Variants in ASPRV1 observed in about 807,000 individuals in gnomAD.
ASPRV1 encodes aspartic peptidase retroviral like 1, also known as retroviral-like aspartic protease 1.
A neutral mutation model predicts 11.0 loss-of-function variants in ASPRV1; 7 were observed. The ratio of observed to expected loss-of-function variants is 0.64; its 90% CI spans 0.36 to 1.20. The LOEUF (loss-of-function observed/expected upper bound fraction) is 1.20. Among genes scored for constraint, ASPRV1 ranks in the 50% most tolerant of loss-of-function variants. The pLI is 0.02. For missense variants in ASPRV1, 299 were observed against 320.0 expected (o/e 0.93, Z 0.50); for synonymous variants, 136 against 138.4 (o/e 0.98, Z 0.12).
chr2:70,049,608 GAAC>G, the ASPRV1 span: 1 of 152,124 alleles, frequency 6.6e-6, no homozygotes, highest in African/African-American at 2.4e-5. Flanking sequence ...TTTGTTTTTT[GAAC>G]AACATAGACT....
At chr2:70,069,791 G>A in the ASPRV1 span, among the ~76,000 whole-genome samples, 1 of 152,018 alleles carries the variant, frequency 6.6e-6, no homozygotes, top group African/African-American at 2.4e-5. Flanking sequence ...TTTGCTTGAG[G>A]TTCATCTGTA....
the ASPRV1 span, chr2:69,997,972 C>T: frequency 3.9e-5 from 6 of 152,164 alleles, no homozygotes; most frequent in Admixed American, 6.5e-5. Context: ...TATTCTACTC[C>T]CATTTTACAG....
At chr2:70,008,132 G>C in the ASPRV1 span, among the ~76,000 whole-genome samples, 3 of 151,808 alleles carry the variant, frequency 2.0e-5, no homozygotes, top group African/African-American at 4.8e-5. Context: ...CACCGTGCCC[G>C]GTCTATTTTT....
At chr2:70,074,468 T>C in the ASPRV1 span, among the ~76,000 whole-genome samples, 4 of 151,598 alleles carry the variant, frequency 2.6e-5, no homozygotes, top group African/African-American at 7.3e-5. Context: ...TTTGTATTTT[T>C]AGTAGAGACA....
chr2:70,086,975 C>G, the ASPRV1 span: 1 of 152,194 alleles, frequency 6.6e-6, no homozygotes, highest in Non-Finnish European at 1.5e-5. Context: ...CGCCCGCGCG[C>G]ACCCGCTCCG....
chr2:70,065,063 C>A, the ASPRV1 span, among the ~76,000 whole-genome samples: 1 of 151,872 alleles, frequency 6.6e-6, no homozygotes, highest in Non-Finnish European at 1.5e-5. Flanking sequence ...CCACTGCACT[C>A]CAGCCTGGGC....
chr2:70,016,665 G>A, the ASPRV1 span, among the ~76,000 whole-genome samples: 2 of 152,186 alleles, frequency 1.3e-5, no homozygotes, highest in East Asian at 1.9e-4. Flanking sequence ...CCAACATGGT[G>A]AAGACCCATC....
At chr2:69,959,266 A>T (rs1290141349), downstream of ASPRV1, among the ~76,000 whole-genome samples, 1 of 151,992 alleles carries the variant, frequency 6.6e-6, no homozygotes, top group Non-Finnish European at 1.5e-5. Context: ...ACCTTGCGCC[A>T]ATCTTCCTGG....
At chr2:70,018,962 G>T in the ASPRV1 span, 3 of 152,188 alleles carry the variant, frequency 2.0e-5, no homozygotes, top group Non-Finnish European at 4.4e-5. Flanking sequence ...ACAATACAGT[G>T]AAGAGAGAAC....
chr2:70,066,384 GCCTGCCA>G, the ASPRV1 span, among the ~76,000 whole-genome samples: 1 of 151,598 alleles, frequency 6.6e-6, no homozygotes, highest in African/African-American at 2.4e-5. Flanking sequence ...GATTACAGGT[GCCTGCCA>G]CCACGCCCAG....
chr2:70,002,145 G>C, the ASPRV1 span, among the ~76,000 whole-genome samples: 1 of 152,100 alleles, frequency 6.6e-6, no homozygotes, highest in African/African-American at 2.4e-5. Context: ...AGTGTGCACT[G>C]GCAGAGACCC....
chr2:69,990,693 C>CG, the ASPRV1 span, among the ~76,000 whole-genome samples: 5 of 152,054 alleles, frequency 3.3e-5, no homozygotes, highest in Non-Finnish European at 5.9e-5. Flanking sequence ...GGACTCAAGC[C>CG]ATCTCCCTGC....
At chr2:70,085,008 A>G in the ASPRV1 span, among the ~76,000 whole-genome samples, 11 of 152,338 alleles carry the variant, frequency 7.2e-5, no homozygotes, top group Non-Finnish European at 1.3e-4. Flanking sequence ...CTCAGGCACC[A>G]GTTTGTTGCT....
At chr2:69,941,723 T>C in the ASPRV1 span, 1 of 151,670 alleles carries the variant, frequency 6.6e-6, no homozygotes, top group Non-Finnish European at 1.5e-5. Context: ...GAAAAAAGTG[T>C]AAACTAGGTA....
chr2:70,037,015 G>T, the ASPRV1 span, among the ~76,000 whole-genome samples: 1 of 152,108 alleles, frequency 6.6e-6, no homozygotes, highest in Non-Finnish European at 1.5e-5. Flanking sequence ...CCTGTCAAAG[G>T]TGCCAAATCT....
the ASPRV1 span, among the ~76,000 whole-genome samples, chr2:70,067,005 T>C: frequency 6.6e-6 from 1 of 152,196 alleles, no homozygotes; most frequent in Non-Finnish European, 1.5e-5. Flanking sequence ...TAAACTAAGA[T>C]GATGATAATA....
At chr2:70,014,924 A>G in the ASPRV1 span, among the ~76,000 whole-genome samples, 1 of 152,158 alleles carries the variant, frequency 6.6e-6, no homozygotes, top group Non-Finnish European at 1.5e-5. Context: ...TAAAATTCCT[A>G]CAACTCAACA....
chr2:69,973,534 G>T, the ASPRV1 span, among the ~76,000 whole-genome samples: 4 of 152,146 alleles, frequency 2.6e-5, no homozygotes, highest in Admixed American at 2.6e-4. Context: ...TTTTTGTAGA[G>T]AACTGGTTTA....
At chr2:69,955,149 C>T (rs548292796), downstream of ASPRV1, among the ~76,000 whole-genome samples, 3 of 152,328 alleles carry the variant, frequency 2.0e-5, no homozygotes, top group African/African-American at 4.8e-5. Context: ...GGGCCTGGAA[C>T]GTGGGGTGGC....
Sources: allele counts gnomAD v4.1 joint callset (sites outside exome capture counted in the v4.1 genomes callset), GRCh38; gene constraint gnomAD v4.1.1; transcripts MANE v1.5; gene names NCBI Gene and HGNC (gene_info 2026-07-23, HGNC 2026-07-21).